Variants in ZNF501 observed in about 807,000 individuals in gnomAD.
ZNF501 encodes zinc finger protein 52.
A neutral mutation model predicts 5.7 loss-of-function variants in ZNF501; 7 were observed. That is an observed-to-expected ratio of 1.24 (90% CI 0.70 to 2.32). ZNF501 has a LOEUF of 2.32. Ranked by LOEUF, ZNF501 falls within the 30% of genes most tolerant of loss-of-function variation. The pLI, the probability that ZNF501 is intolerant of heterozygous loss-of-function variation, is 0.00. For synonymous variants in ZNF501, 107 were observed against 101.9 expected, an observed-to-expected ratio of 1.05 and a Z score of -0.30; for missense variants, 352 against 321.1, an observed-to-expected ratio of 1.10 and a Z score of -0.73.
Position 44,736,645 on chromosome 3 carries a change from G to A in ZNF501, c.*1408G>A, listed in dbSNP as rs1704705579. On this transcript the variant is annotated 3_prime_UTR_variant, in exon 3 of 3. Coordinates refer to ENST00000620116, the MANE Select transcript of ZNF501 (RefSeq NM_001258280.2). ...GCCTCCCAAAGTGCTGGGATTACAG[G>A]TGTGAGTCACCACATCTGGTCGGAT... 1 of 167,066 alleles carries A rather than the reference G, an allele frequency of 6.0e-6. No homozygotes were observed. The highest frequency in any genetic ancestry group is 2.4e-5 in the African/African-American group (1 of 41,428). 10.3% of individuals were successfully genotyped at this position (167,066 alleles called of 1,614,324 possible).
chr3:44,730,311 C>T (rs1315973883), intron 1 of ZNF501, among the ~76,000 whole-genome samples: 2 of 152,206 alleles, frequency 1.3e-5, no homozygotes, highest in African/African-American at 4.8e-5. Context: ...CCATGCCATA[C>T]TTGTAAGTTT....
chr3:44,735,377 T>G lies in ZNF501; in HGVS notation c.*140T>G, dbSNP rs1294308974. ...ACAAGAAATGTTGTGTCCTAATGTGTCCTAGTCTGGAGTTTGATGCCTTAT... is the reference window on the plus strand; with the variant it reads ...ACAAGAAATGTTGTGTCCTAATGTGGCCTAGTCTGGAGTTTGATGCCTTAT... On this transcript the variant is annotated 3_prime_UTR_variant, in exon 3 of 3. Transcript: ENST00000620116. The G allele has an allele frequency of 2.5e-6, 2 of 788,176 alleles. No individual in the cohort carries two copies. The highest frequency in any genetic ancestry group is 3.9e-6 in the Non-Finnish European group (2 of 507,744). The allele number at this position is 788,176 out of a possible 1,614,324, so 48.8% of individuals were successfully genotyped here.
chr3:44,732,910 A>G (rs1210180130), intron 2 of ZNF501, among the ~76,000 whole-genome samples: 1 of 152,162 alleles, frequency 6.6e-6, no homozygotes, highest in African/African-American at 2.4e-5. Flanking sequence ...TCCAGCCTCA[A>G]CATCCTGGGC....
In ZNF501 at chr3:44,735,990, A is replaced by G. The variant is rs969972226; in HGVS notation, c.*753A>G. ...TGGCAGCAGGTGATTAGGAGAAGGC[A>G]TATGACAGTAGAGAGGACTGGAATA... On this transcript the variant is annotated 3_prime_UTR_variant, in exon 3 of 3. Coordinates refer to ENST00000620116, the MANE Select transcript of ZNF501 (RefSeq NM_001258280.2). The G allele has an allele frequency of 6.0e-6, 1 of 167,188 alleles. No individual in the cohort carries two copies. The highest frequency in any genetic ancestry group is 2.4e-5 in the African/African-American group (1 of 41,472). 10.4% of individuals were successfully genotyped at this position (167,188 alleles called of 1,614,324 possible).
Position 44,735,429 on chromosome 3 carries a change from C to T in ZNF501, c.*192C>T. On this transcript the variant is annotated 3_prime_UTR_variant, in exon 3 of 3. Transcript: ENST00000620116. Reference sequence around the variant, plus strand: ...TGCTGCTCAGTGGGTGTAACCTTATCCCTTCTGAGCCTCAGTTTCCCCATT... The same window carrying T: ...TGCTGCTCAGTGGGTGTAACCTTATTCCTTCTGAGCCTCAGTTTCCCCATT... The T allele has an allele frequency of 2.2e-6, 1 of 450,014 alleles. No homozygotes were observed. Among genetic ancestry groups the T allele is most frequent in the East Asian group, 3.3e-5 (1 of 30,156 alleles). 27.9% of individuals were successfully genotyped at this position (450,014 alleles called of 1,614,324 possible).
intron 2 of ZNF501, among the ~76,000 whole-genome samples, chr3:44,733,161 G>A (rs1704639035): frequency 1.3e-5 from 2 of 152,106 alleles, no homozygotes; most frequent in African/African-American, 2.4e-5. Context: ...ATATTTTAAA[G>A]TGAGGATATA....
Position 44,734,318 on chromosome 3 carries a change from GCA to G in ZNF501, c.-93_-92del, listed in dbSNP as rs553353532. The stretch of plus-strand genomic sequence containing the variant: ...AGCAATGCATGTGTGATGTGTGTGA[GCA>G]CACACACACAGTAACCTTTCCTAGG... On this transcript the variant is annotated 5_prime_UTR_variant, in exon 3 of 3. It introduces an in-frame stop codon into an upstream open reading frame of the 5' UTR. Transcript: ENST00000620116. The G allele has an allele frequency of 1.6e-4, 145 of 931,106 alleles. No homozygotes were observed. The highest frequency in any genetic ancestry group is 2.0e-4 in the Non-Finnish European group (126 of 614,816). 57.7% of individuals were successfully genotyped at this position (931,106 alleles called of 1,614,324 possible). A position where few individuals can be genotyped will look rare whatever the true frequency, so the allele number is the denominator to read the frequency against.
In ZNF501 at chr3:44,734,917, G is replaced by C. The variant is rs919172687; in HGVS notation, c.496G>C (p.Glu166Gln). ...HSGDKPFKCN[E>Q]CGKAFNQSAC... ...TGGAGATAAACCTTTTAAGTGTAAT[G>C]AATGTGGGAAAGCCTTTAATCAGAG... The change falls in exon 3 of 3, where the codon GAA (glutamate) becomes CAA (glutamine). Residue 166 changes from glutamate (E) to glutamine (Q), a missense_variant. Transcript: ENST00000620116. 2 of 1,613,900 alleles carry C rather than the reference G, an allele frequency of 1.2e-6. No individual in the cohort carries two copies. Among genetic ancestry groups the C allele is most frequent in the African/African-American group, 2.7e-5 (2 of 74,938 alleles).
chr3:44,733,155 T>G (rs1704638977), intron 2 of ZNF501, among the ~76,000 whole-genome samples: 1 of 152,176 alleles, frequency 6.6e-6, no homozygotes, highest in Non-Finnish European at 1.5e-5. Flanking sequence ...ATCTAAATAT[T>G]TTAAAGTGAG....
At chr3:44,732,540 A>G (rs1014990065) in intron 2 of ZNF501, among the ~76,000 whole-genome samples, 1 of 152,228 alleles carries the variant, frequency 6.6e-6, no homozygotes, top group Non-Finnish European at 1.5e-5. Flanking sequence ...TGGTACAGGC[A>G]TTGCCCAAGC....
Position 44,735,821 on chromosome 3 carries a change from T to G in ZNF501, c.*584T>G, listed in dbSNP as rs1382508117. 6.0e-6 allele frequency: 1 copy of G among 166,728 alleles called. No homozygotes were observed. Among genetic ancestry groups the G allele is most frequent in the East Asian group, 1.9e-4 (1 of 5,200 alleles). The allele number at this position is 166,728 out of a possible 1,614,324, so 10.3% of individuals were successfully genotyped here. A position where few individuals can be genotyped will look rare whatever the true frequency, so the allele number is the denominator to read the frequency against. ...GGTGTATTTCTGGATACCCTCAAGA[T>G]CTTCATTTAAATTTTGATACTTTCT... On this transcript the variant is annotated 3_prime_UTR_variant, in exon 3 of 3. Transcript: ENST00000620116.
chr3:44,733,181 A>C (rs1365607844), intron 2 of ZNF501, among the ~76,000 whole-genome samples: 2 of 152,194 alleles, frequency 1.3e-5, no homozygotes, highest in African/African-American at 4.8e-5. Flanking sequence ...ATAGTTGTGT[A>C]ATTTACATGA....
At chr3:44,731,270 C>T (rs1252949533) in intron 1 of ZNF501, among the ~76,000 whole-genome samples, 1 of 152,226 alleles carries the variant, frequency 6.6e-6, no homozygotes, top group Non-Finnish European at 1.5e-5. Flanking sequence ...GACCTGCCCT[C>T]TTTGTACATT....
In ZNF501 at chr3:44,736,033, A is replaced by T. The variant is rs1310205170; in HGVS notation, c.*796A>T. 1 of 167,128 alleles carries T rather than the reference A, an allele frequency of 6.0e-6. No homozygotes were observed. The highest frequency in any genetic ancestry group is 2.4e-5 in the African/African-American group (1 of 41,452). 10.4% of individuals were successfully genotyped at this position (167,128 alleles called of 1,614,324 possible). ...CTGGAATATAGAGGAGAATATAAGC[A>T]TGTAGATGAGGATGTGGCTGTATTT... On this transcript the variant is annotated 3_prime_UTR_variant, in exon 3 of 3. Transcript: ENST00000620116.
chr3:44,736,475 T>C lies in ZNF501; in HGVS notation c.*1238T>C, dbSNP rs768523598. The stretch of plus-strand genomic sequence containing the variant: ...CTATATCTTTATAGATTTGCAGTTC[T>C]GGTTTATATAATACCAAAGTCACAT... On this transcript the variant is annotated 3_prime_UTR_variant, in exon 3 of 3. Coordinates refer to ENST00000620116, the MANE Select transcript of ZNF501 (RefSeq NM_001258280.2). 4 of 167,070 alleles carry C rather than the reference T, an allele frequency of 2.4e-5. No individual in the cohort carries two copies. In the Admixed American group the frequency reaches 2.6e-4, roughly 11 times the overall value. The allele number at this position is 167,070 out of a possible 1,614,324, so 10.3% of individuals were successfully genotyped here. A position where few individuals can be genotyped will look rare whatever the true frequency, so the allele number is the denominator to read the frequency against.
chr3:44,731,642 A>T (rs1032939235), intron 2 of ZNF501, 82 bp downstream of exon 2: 23 of 152,320 alleles, frequency 1.5e-4, no homozygotes, highest in African/African-American at 5.5e-4. Flanking sequence ...CTATGGTGGG[A>T]CCCACCAATG....
chr3:44,734,743 T>G lies in ZNF501; in HGVS notation c.322T>G (p.Cys108Gly). 1 of 1,614,054 alleles carries G rather than the reference T, an allele frequency of 6.2e-7. No homozygotes were observed. Among genetic ancestry groups the G allele is most frequent in the Non-Finnish European group, 8.5e-7 (1 of 1,179,998 alleles). ...RIHTGEKPYK[C>G]NECGKAFCQS... The stretch of plus-strand genomic sequence containing the variant: ...TCATACTGGAGAGAAACCCTATAAA[T>G]GCAATGAATGTGGAAAAGCCTTTTG... The change falls in exon 3 of 3, where the codon TGC becomes GGC. Residue 108 changes from cysteine to glycine, a missense_variant. Cys to Gly is a radical substitution (Grantham distance 159). Transcript: ENST00000620116.
chr3:44,733,858 T>C (rs1455529997), intron 2 of ZNF501, among the ~76,000 whole-genome samples: 1 of 152,182 alleles, frequency 6.6e-6, no homozygotes, highest in East Asian at 1.9e-4. Flanking sequence ...ATAGGCCTAG[T>C]GAAAGTTACA....
chr3:44,732,913 T>C (rs147329113), intron 2 of ZNF501, among the ~76,000 whole-genome samples: 3 of 152,144 alleles, frequency 2.0e-5, no homozygotes, highest in Non-Finnish European at 4.4e-5. Context: ...AGCCTCAACA[T>C]CCTGGGCTCA....
Sources: gnomAD v4.1 joint callset for allele counts (sites outside exome capture counted in the v4.1 genomes callset) on GRCh38, gnomAD v4.1.1 for gene constraint, MANE v1.5 for transcripts, NCBI Gene and HGNC (gene_info 2026-07-23, HGNC 2026-07-21) for gene names.